The following ASB4 variants were observed in gnomAD, a reference collection of about 807,000 sequenced individuals.
ASB4 encodes the protein ankyrin repeat and SOCS box protein 4.
In ASB4, 35 loss-of-function variants were observed where a neutral mutation model predicts 38.6. That is an observed-to-expected ratio of 0.91 (90% CI 0.69 to 1.20). ASB4 has a LOEUF of 1.20. Ranked by LOEUF, ASB4 falls within the 50% of genes most tolerant of loss-of-function variation. The pLI, the probability that ASB4 is intolerant of heterozygous loss-of-function variation, is 0.00. For missense variants in ASB4, 557 were observed against 527.2 expected, an observed-to-expected ratio of 1.06 and a Z score of -0.55; for synonymous variants, 195 against 201.3, an observed-to-expected ratio of 0.97 and a Z score of 0.26.
At chr7:95,485,036 GTA>G (rs1252339268), upstream of ASB4, among the ~76,000 whole-genome samples, 3 of 148,202 alleles carry the variant, frequency 2.0e-5, no homozygotes, top group African/African-American at 7.4e-5. Flanking sequence ...ATGTATATAT[GTA>G]TATATATGTG....
the ASB4 span, among the ~76,000 whole-genome samples, chr7:95,549,980 C>T: frequency 6.6e-6 from 1 of 152,148 alleles, no homozygotes; most frequent in Non-Finnish European, 1.5e-5. Flanking sequence ...AGTAATCATG[C>T]CTGGCCAAAT....
intron 1 of ASB4, among the ~76,000 whole-genome samples, chr7:95,489,363 C>T (rs1482415840): frequency 6.6e-6 from 1 of 152,168 alleles, no homozygotes; most frequent in African/African-American, 2.4e-5. Flanking sequence ...GCTTCTCTTA[C>T]CAATTTGGCA....
intron 2 of ASB4, 48 bp from the exon 3 acceptor site, chr7:95,527,765 A>C: frequency 6.6e-7 from 1 of 1,517,094 alleles, no homozygotes; most frequent in Non-Finnish European, 8.9e-7. Context: ...CTTAGGAATA[A>C]TGACAAAACA....
intron 2 of ASB4, among the ~76,000 whole-genome samples, chr7:95,515,980 G>A (rs1174485511): frequency 6.6e-6 from 1 of 152,068 alleles, no homozygotes; most frequent in East Asian, 1.9e-4. Flanking sequence ...TTTCACTCCA[G>A]TCCTGCCTCC....
intron 1 of ASB4, among the ~76,000 whole-genome samples, chr7:95,493,382 GTGTGTGTGTA>G (rs771636512): frequency 0.041 from 4,522 of 110,106 alleles, 107 homozygotes; most frequent in East Asian, 0.18. Context: ...GTGTGTGTGT[GTGTGTGTGTA>G]TGTGTGTGTG....
chr7:95,531,694 C>A (rs1790821844), intron 3 of ASB4, among the ~76,000 whole-genome samples: 2 of 152,016 alleles, frequency 1.3e-5, no homozygotes, highest in South Asian at 4.2e-4. Flanking sequence ...GAGTCCCTGC[C>A]CAGAGACTAA....
intron 1 of ASB4, among the ~76,000 whole-genome samples, chr7:95,492,899 C>T (rs925250061): frequency 6.6e-6 from 1 of 152,200 alleles, no homozygotes; most frequent in Non-Finnish European, 1.5e-5. Flanking sequence ...CAAAAGCAAG[C>T]TGCATGACAT....
At position 95,505,698 on chromosome 7, in the gene ASB4, CA is replaced by C. The variant is rs1338790602; in HGVS notation, c.487+9644del. On this transcript the variant is annotated intron_variant, in intron 2 of 4. Transcript: ENST00000325885. ...TCCTCTATCCGTGTCCCCCCCCCCC[CA>C]AATACTTATTCATTCCCTGTCCCTT... Among the ~76,000 whole-genome samples, 11 of 114,188 alleles carry C rather than the reference CA, an allele frequency of 9.6e-5. No individual in the cohort carries two copies. In the South Asian group the frequency reaches 3.8e-3, roughly 39 times the overall value. The allele number at this position is 114,188 out of a possible 152,430, so 74.9% of individuals were successfully genotyped here.
At chr7:95,550,861 C>A in the ASB4 span, among the ~76,000 whole-genome samples, 1 of 152,186 alleles carries the variant, frequency 6.6e-6, no homozygotes, top group Non-Finnish European at 1.5e-5. Context: ...CTTCCATGTA[C>A]AGGATGTCTT....
At position 95,537,579 on chromosome 7, in the gene ASB4, G is replaced by T; in HGVS notation, c.1101G>T (p.Trp367Cys). 2 of 1,590,542 alleles carry T rather than the reference G, an allele frequency of 1.3e-6. No homozygotes were observed. The highest frequency in any genetic ancestry group is 1.7e-6 in the Non-Finnish European group (2 of 1,166,384). ...CTTGCCTTCCTTTTCAGAAATACTG[G>T]GATTTTTACCACTCTCTCTTTACTG... Reference protein sequence around the residue: ...AIPDDDLEKYWDFYHSLFTVC... With the variant: ...AIPDDDLEKYCDFYHSLFTVC... The change falls in exon 5 of 5, where the codon TGG (tryptophan) becomes TGT (cysteine). Residue 367 changes from tryptophan (W) to cysteine (C), a missense_variant. Trp to Cys is a radical substitution (Grantham distance 215). Transcript: ENST00000325885.
At chr7:95,534,521 C>A (rs1055179591) in intron 3 of ASB4, among the ~76,000 whole-genome samples, 3 of 151,992 alleles carry the variant, frequency 2.0e-5, no homozygotes, top group African/African-American at 7.3e-5. Flanking sequence ...CTTCTCCCAG[C>A]TTCAGCCACC....
intron 2 of ASB4, among the ~76,000 whole-genome samples, chr7:95,520,159 T>C (rs1295442138): frequency 6.6e-6 from 1 of 152,214 alleles, no homozygotes; most frequent in Non-Finnish European, 1.5e-5. Flanking sequence ...ATAATTTGAA[T>C]TCTGAATTTT....
At chr7:95,527,767 G>T in intron 2 of ASB4, 46 bp from the exon 3 acceptor site, 2 of 1,525,786 alleles carry the variant, frequency 1.3e-6, no homozygotes, top group South Asian at 2.5e-5. Flanking sequence ...TAGGAATAAT[G>T]ACAAAACATG....
intron 3 of ASB4, among the ~76,000 whole-genome samples, chr7:95,535,327 G>A (rs528189404): frequency 3.9e-5 from 6 of 152,368 alleles, no homozygotes; most frequent in South Asian, 2.1e-4. Context: ...TGTCTTTGGA[G>A]AAAGTTGTTT....
chr7:95,538,846 G>A lies in ASB4; in HGVS notation c.*1087G>A, dbSNP rs186107954. On this transcript the variant is annotated 3_prime_UTR_variant, in exon 5 of 5. Transcript: ENST00000325885. ...ATTACTTCGGTCTTTTTATGTAGCA[G>A]ACTGACATTTCATAGCATTGTAGCT... The A allele has an allele frequency of 2.0e-5, 3 of 152,284 alleles. No individual in the cohort carries two copies. Among genetic ancestry groups the A allele is most frequent in the African/African-American group, 7.2e-5 (3 of 41,548 alleles). 9.4% of individuals were successfully genotyped at this position (152,284 alleles called of 1,614,324 possible). A position where few individuals can be genotyped will look rare whatever the true frequency, so the allele number is the denominator to read the frequency against.
At chr7:95,541,411 G>T (rs1160429653), downstream of ASB4, among the ~76,000 whole-genome samples, 1 of 152,144 alleles carries the variant, frequency 6.6e-6, no homozygotes, top group Non-Finnish European at 1.5e-5. Flanking sequence ...CAGTGGAGTA[G>T]TATATCCTTA....
At chr7:95,472,988 T>G in the ASB4 span, among the ~76,000 whole-genome samples, 3 of 152,222 alleles carry the variant, frequency 2.0e-5, no homozygotes, top group Non-Finnish European at 4.4e-5. Context: ...TCCAGCAGTT[T>G]GGCAGTAGAA....
At chr7:95,532,981 CTTATG>C (rs1215464101) in intron 3 of ASB4, among the ~76,000 whole-genome samples, 1 of 152,168 alleles carries the variant, frequency 6.6e-6, no homozygotes, top group East Asian at 1.9e-4. Flanking sequence ...TTTCCTTTGT[CTTATG>C]TTTTCATGAG....
At chr7:95,483,748 G>A (rs941292794), upstream of ASB4, among the ~76,000 whole-genome samples, 6 of 152,102 alleles carry the variant, frequency 3.9e-5, no homozygotes, top group Admixed American at 1.3e-4. Flanking sequence ...GTTCACTGCT[G>A]TATCTGCAGT....
Sources: allele counts gnomAD v4.1 joint callset (sites outside exome capture counted in the v4.1 genomes callset), GRCh38; gene constraint gnomAD v4.1.1; transcripts MANE v1.5; gene names NCBI Gene and HGNC (gene_info 2026-07-23, HGNC 2026-07-21).